Variants in DEPTOR observed in about 807,000 individuals in gnomAD.
DEPTOR encodes DEP domain containing MTOR interacting protein, also known as DEP domain-containing mTOR-interacting protein.
A neutral mutation model predicts 41.6 loss-of-function variants in DEPTOR; 41 were observed. The ratio of observed to expected loss-of-function variants is 0.98; its 90% CI spans 0.77 to 1.28. The LOEUF is 1.28. Among genes scored for constraint, DEPTOR ranks in the 50% most tolerant of loss-of-function variants. DEPTOR has a pLI of 0.00. For synonymous variants in DEPTOR, 195 were observed against 192.3 expected (o/e 1.01, Z -0.12); for missense variants, 514 against 527.9 (o/e 0.97, Z 0.26).
intron 4 of DEPTOR, among the ~76,000 whole-genome samples, chr8:119,989,338 A>T (rs1214139415): frequency 1.3e-5 from 2 of 152,086 alleles, no homozygotes; most frequent in Non-Finnish European, 2.9e-5. Flanking sequence ...TTCCAGCCAA[A>T]TTACCGTCTG....
intron 8 of DEPTOR, among the ~76,000 whole-genome samples, chr8:120,049,313 T>C (rs1419445610): frequency 1.3e-5 from 2 of 152,048 alleles, no homozygotes; most frequent in African/African-American, 4.8e-5. Flanking sequence ...AGTATTTAAA[T>C]ACTAGCTAAA....
chr8:120,013,588 T>C (rs1414781646), intron 8 of DEPTOR, among the ~76,000 whole-genome samples: 1 of 152,186 alleles, frequency 6.6e-6, no homozygotes, highest in African/African-American at 2.4e-5. Context: ...TGGGCACTGA[T>C]TAACCTGCTA....
At chr8:119,899,235 G>T (rs1458277471) in intron 1 of DEPTOR, among the ~76,000 whole-genome samples, 1 of 152,124 alleles carries the variant, frequency 6.6e-6, no homozygotes, top group Admixed American at 6.6e-5. Context: ...TATGAGACAA[G>T]AAATTACTTT....
chr8:119,873,851 A>G lies in DEPTOR; in HGVS notation c.5A>G (p.Glu2Gly). The change falls in exon 1 of 9, where the codon GAG becomes GGG. Residue 2 changes from glutamate (E) to glycine (G), a missense_variant. Transcript: ENST00000286234. M[E>G]EGGSTGSAGS... ...TAGCCGCACGGCCCTAAAACCATGGAGGAGGGCGGCAGCACTGGCAGTGCT... is the reference window on the plus strand; with the variant it reads ...TAGCCGCACGGCCCTAAAACCATGGGGGAGGGCGGCAGCACTGGCAGTGCT... The G allele has an allele frequency of 6.2e-7, 1 of 1,612,922 alleles. No homozygotes were observed. The highest frequency in any genetic ancestry group is 8.5e-7 in the Non-Finnish European group (1 of 1,179,558).
rs745531097 is a variant in DEPTOR at position 119,903,693 on chromosome 8, T to C, written c.123-24707T>C. 2.6e-5 allele frequency among the ~76,000 whole-genome samples: 4 copies of C among 152,160 alleles called. No individual in the cohort carries two copies. In the East Asian group the frequency reaches 7.7e-4, roughly 29 times the overall value. On this transcript the variant is annotated intron_variant, in intron 1 of 8. Coordinates refer to ENST00000286234, the MANE Select transcript of DEPTOR (RefSeq NM_022783.4). ...GTACTTATGGGGAATCCAGACTGAC[T>C]CCTCTGGAGACCGAGTGGCCTCTGA... is the stretch of plus-strand genomic sequence containing the variant.
At position 119,886,725 on chromosome 8, in the gene DEPTOR, A is replaced by C. The variant is rs1357846105; in HGVS notation, c.122+12757A>C. Among the ~76,000 whole-genome samples the C allele has an allele frequency of 2.6e-5, 4 of 151,858 alleles. No homozygotes were observed. In the East Asian group the frequency reaches 7.7e-4, roughly 29 times the overall value. On this transcript the variant is annotated intron_variant, in intron 1 of 8. Transcript: ENST00000286234. ...TTAGAAAATACTCCAGTGAAAAGACAATCTTATTTCTTTGCAAATGTAAAA... is the reference window on the plus strand; with the variant it reads ...TTAGAAAATACTCCAGTGAAAAGACCATCTTATTTCTTTGCAAATGTAAAA...
chr8:120,025,331 C>T (rs1329750076), intron 8 of DEPTOR, among the ~76,000 whole-genome samples: 4 of 152,100 alleles, frequency 2.6e-5, no homozygotes, highest in African/African-American at 9.7e-5. Context: ...TTGCCTTTAG[C>T]TTCAGAGTCT....
intron 1 of DEPTOR, among the ~76,000 whole-genome samples, chr8:119,907,171 G>A (rs1827674683): frequency 6.6e-6 from 1 of 152,080 alleles, no homozygotes; most frequent in Non-Finnish European, 1.5e-5. Flanking sequence ...CGTAAGATCT[G>A]GCCCATGACA....
chr8:119,927,571 A>ATATATATATACATATATAT (rs1827978586), intron 1 of DEPTOR, among the ~76,000 whole-genome samples: 1 of 147,254 alleles, frequency 6.8e-6, no homozygotes, highest in Non-Finnish European at 1.5e-5. Context: ...ACATATATAC[A>ATATATATATACATATATAT]TATATATATA....
intron 3 of DEPTOR, among the ~76,000 whole-genome samples, chr8:119,930,317 A>G (rs1828025663): frequency 6.6e-6 from 1 of 151,722 alleles, no homozygotes; most frequent in African/African-American, 2.4e-5. Flanking sequence ...GCTCACTGCA[A>G]CCTCCGTCTT....
chr8:119,943,082 G>T (rs1396880983), intron 3 of DEPTOR, among the ~76,000 whole-genome samples: 2 of 152,102 alleles, frequency 1.3e-5, no homozygotes, highest in East Asian at 3.9e-4. Flanking sequence ...AACCTGCTGT[G>T]TCCCCAAGAG....
intron 8 of DEPTOR, among the ~76,000 whole-genome samples, chr8:120,017,512 A>G (rs955803015): frequency 1.3e-5 from 2 of 152,202 alleles, no homozygotes; most frequent in South Asian, 4.1e-4. Context: ...GAGAATTTGT[A>G]TTCTTGTTGG....
intron 8 of DEPTOR, among the ~76,000 whole-genome samples, chr8:120,043,465 T>A (rs930652470): frequency 1.3e-5 from 2 of 152,174 alleles, no homozygotes; most frequent in Admixed American, 6.5e-5. Flanking sequence ...CTTAAGAAGC[T>A]GAAAGAAGCT....
At chr8:119,950,656 GTGCAATCTCGGCTCAT>G (rs1398544287) in intron 3 of DEPTOR, among the ~76,000 whole-genome samples, 1 of 152,076 alleles carries the variant, frequency 6.6e-6, no homozygotes, top group Non-Finnish European at 1.5e-5. Flanking sequence ...GAGTGCAGTG[GTGCAATCTCGGCTCAT>G]TGCAATCTCC....
intron 1 of DEPTOR, among the ~76,000 whole-genome samples, chr8:119,895,598 A>C (rs1428141672): frequency 6.6e-6 from 1 of 152,194 alleles, no homozygotes; most frequent in East Asian, 1.9e-4. Context: ...ACTCAGGCAC[A>C]GAAGAGCCTT....
At chr8:120,014,303 G>A (rs10955946) in intron 8 of DEPTOR, among the ~76,000 whole-genome samples, 55,545 of 151,784 alleles carry the variant, frequency 0.37, 10,901 homozygotes, top group East Asian at 0.59. Context: ...AGGGCTTTTG[G>A]TTTCCTTTCA....
At chr8:120,030,114 T>TG (rs1349692469) in intron 8 of DEPTOR, among the ~76,000 whole-genome samples, 5 of 152,118 alleles carry the variant, frequency 3.3e-5, no homozygotes. Flanking sequence ...CTCGTAAGCC[T>TG]GGGGGTGCAT....
intron 3 of DEPTOR, among the ~76,000 whole-genome samples, chr8:119,930,848 A>G (rs1198081725): frequency 6.6e-6 from 1 of 152,102 alleles, no homozygotes; most frequent in Non-Finnish European, 1.5e-5. Context: ...CATTAGAAAA[A>G]GGGGTGCAGA....
chr8:119,937,925 G>GAT (rs1263751608), intron 3 of DEPTOR, among the ~76,000 whole-genome samples: 3 of 152,146 alleles, frequency 2.0e-5, no homozygotes, highest in Admixed American at 2.0e-4. Context: ...CCCTCTGTCT[G>GAT]AGATAAGGAA....
Sources: allele counts gnomAD v4.1 joint callset (sites outside exome capture counted in the v4.1 genomes callset), GRCh38; gene constraint gnomAD v4.1.1; transcripts MANE v1.5; gene names NCBI Gene and HGNC (gene_info 2026-07-23, HGNC 2026-07-21).